The following DIAPH3 variants were observed in gnomAD, a reference collection of about 807,000 sequenced individuals.
DIAPH3 encodes diaphanous related formin 3.
DIAPH3 carries 117 observed loss-of-function variants against 144.3 expected under a neutral mutation model. That is an observed-to-expected ratio of 0.81 (90% CI 0.70 to 0.95). The LOEUF (loss-of-function observed/expected upper bound fraction) is 0.95, where lower values mean the gene tolerates loss of function less well. Ranked by LOEUF, DIAPH3 falls within the 40% of genes least tolerant of loss-of-function variation. The pLI is 0.00. For synonymous variants in DIAPH3, 519 were observed against 488.9 expected, an observed-to-expected ratio of 1.06 and a Z score of -0.81; for missense variants, 1,421 against 1,412.7, an observed-to-expected ratio of 1.01 and a Z score of -0.09.
intron 17 of DIAPH3, among the ~76,000 whole-genome samples, chr13:59,933,842 T>C (rs2048139574): frequency 6.6e-6 from 1 of 152,196 alleles, no homozygotes; most frequent in South Asian, 2.1e-4. Context: ...TTTTCTATTT[T>C]CAAAGTTTCA....
intron 20 of DIAPH3, among the ~76,000 whole-genome samples, chr13:59,891,442 T>A (rs1187290872): frequency 6.8e-6 from 1 of 146,998 alleles, no homozygotes. Context: ...CCCCAAAAAT[T>A]ATCATCAAAA....
At chr13:59,820,878 C>T (rs146885966) in intron 24 of DIAPH3, among the ~76,000 whole-genome samples, 4 of 151,352 alleles carry the variant, frequency 2.6e-5, no homozygotes, top group African/African-American at 7.3e-5. Flanking sequence ...ACTTTTTGAT[C>T]GTACTTCATC....
chr13:59,930,978 C>T (rs755240372), intron 17 of DIAPH3, among the ~76,000 whole-genome samples: 3 of 152,176 alleles, frequency 2.0e-5, no homozygotes, highest in Non-Finnish European at 4.4e-5. Flanking sequence ...GAATAACCAA[C>T]TGCTCCCTCT....
At chr13:59,981,562 C>T (rs1467383211) in intron 13 of DIAPH3, among the ~76,000 whole-genome samples, 1 of 148,770 alleles carries the variant, frequency 6.7e-6, no homozygotes, top group Non-Finnish European at 1.5e-5. Context: ...TAATGAACTG[C>T]TTAAATAAGT....
intron 24 of DIAPH3, among the ~76,000 whole-genome samples, chr13:59,819,698 G>T (rs2040958713): frequency 6.6e-6 from 1 of 150,660 alleles, no homozygotes; most frequent in South Asian, 2.1e-4. Flanking sequence ...AAATACTGTG[G>T]AACTGAAGAT....
At chr13:59,960,225 A>T (rs2140491985) in intron 17 of DIAPH3, among the ~76,000 whole-genome samples, 1 of 152,278 alleles carries the variant, frequency 6.6e-6, no homozygotes, top group South Asian at 2.1e-4. Flanking sequence ...ATAAATATTC[A>T]CTTTCATTTA....
chr13:60,152,820 A>G (rs1462428189), intron 1 of DIAPH3, among the ~76,000 whole-genome samples: 2 of 86,952 alleles, frequency 2.3e-5, no homozygotes, highest in African/African-American at 9.3e-5. Flanking sequence ...TACATCCTTC[A>G]CTACTGATAC....
chr13:60,123,522 C>T (rs569171548), intron 2 of DIAPH3, among the ~76,000 whole-genome samples: 1 of 152,260 alleles, frequency 6.6e-6, no homozygotes, highest in Non-Finnish European at 1.5e-5. Flanking sequence ...TAAGATAGTA[C>T]TTAAGTATTA....
intron 27 of DIAPH3, among the ~76,000 whole-genome samples, chr13:59,749,732 A>G (rs2036903608): frequency 2.0e-5 from 3 of 152,104 alleles, no homozygotes; most frequent in Admixed American, 6.5e-5. Context: ...TCTTAAAAGA[A>G]AAAACAACAG....
intron 5 of DIAPH3, among the ~76,000 whole-genome samples, chr13:60,041,314 G>C (rs1224034067): frequency 1.3e-5 from 2 of 152,062 alleles, no homozygotes; most frequent in East Asian, 3.9e-4. Flanking sequence ...AATCTTTATG[G>C]AGCATTTCCT....
chr13:60,001,351 C>G (rs2052521196), intron 9 of DIAPH3, among the ~76,000 whole-genome samples: 1 of 152,194 alleles, frequency 6.6e-6, no homozygotes, highest in African/African-American at 2.4e-5. Flanking sequence ...TCCCTTCTCT[C>G]TGGATGTCAA....
chr13:60,052,680 T>A (rs2056394509), intron 4 of DIAPH3, among the ~76,000 whole-genome samples: 1 of 151,948 alleles, frequency 6.6e-6, no homozygotes, highest in Admixed American at 6.6e-5. Flanking sequence ...GAAGTTATAA[T>A]AAAATGGAAG....
chr13:59,911,467 A>G (rs2046992237), intron 20 of DIAPH3, among the ~76,000 whole-genome samples: 1 of 152,200 alleles, frequency 6.6e-6, no homozygotes, highest in African/African-American at 2.4e-5. Flanking sequence ...TACAGTTTTT[A>G]CTTTACATTT....
At chr13:60,132,218 G>A (rs1278760461) in intron 2 of DIAPH3, among the ~76,000 whole-genome samples, 2 of 152,044 alleles carry the variant, frequency 1.3e-5, no homozygotes, top group Non-Finnish European at 2.9e-5. Context: ...TTGGATATTA[G>A]AAGTACTATT....
At chr13:59,965,850 C>T (rs1207745687) in intron 17 of DIAPH3, among the ~76,000 whole-genome samples, 1 of 152,038 alleles carries the variant, frequency 6.6e-6, no homozygotes, top group East Asian at 1.9e-4. Flanking sequence ...CAATGTCAAG[C>T]ATGAGGCACA....
intron 27 of DIAPH3, among the ~76,000 whole-genome samples, chr13:59,747,153 T>G (rs945472775): frequency 6.6e-6 from 1 of 151,950 alleles, no homozygotes; most frequent in Non-Finnish European, 1.5e-5. Flanking sequence ...CAAACCAAAC[T>G]ATAAACAAAT....
At chr13:59,786,540 T>G (rs1033226134) in intron 25 of DIAPH3, among the ~76,000 whole-genome samples, 13 of 152,206 alleles carry the variant, frequency 8.5e-5, no homozygotes, top group African/African-American at 3.1e-4. Context: ...ATCTGCTCAC[T>G]TAATTGTCTA....
At chr13:60,047,796 A>T (rs2056149665) in intron 4 of DIAPH3, among the ~76,000 whole-genome samples, 1 of 152,240 alleles carries the variant, frequency 6.6e-6, no homozygotes, top group South Asian at 2.1e-4. Context: ...AAAGTCTCTT[A>T]TTAAATTAGT....
chr13:60,100,576 A>G (rs963072664), intron 3 of DIAPH3, among the ~76,000 whole-genome samples: 15 of 152,192 alleles, frequency 9.9e-5, no homozygotes, highest in African/African-American at 3.6e-4. Flanking sequence ...TAATAATTGT[A>G]CTAATGTTAT....
Sources: allele counts gnomAD v4.1 joint callset (sites outside exome capture counted in the v4.1 genomes callset), GRCh38; gene constraint gnomAD v4.1.1; transcripts MANE v1.5; gene names NCBI Gene and HGNC (gene_info 2026-07-23, HGNC 2026-07-21).